The following DNMBP variants were observed in gnomAD, a reference collection of about 807,000 sequenced individuals.
The protein encoded by DNMBP is dynamin binding protein, also known as dynamin-binding protein.
A neutral mutation model predicts 150.0 loss-of-function variants in DNMBP; 87 were observed. The observed-to-expected ratio is 0.58, with a 90% CI of 0.49 to 0.69. The LOEUF is 0.69. Among genes scored for constraint, DNMBP ranks in the 30% least tolerant of loss-of-function variants. The pLI is 0.00. For missense variants in DNMBP, 1,774 were observed against 1,949.0 expected, an observed-to-expected ratio of 0.91 and a Z score of 1.69; for synonymous variants, 711 against 750.4, an observed-to-expected ratio of 0.95 and a Z score of 0.86.
chr10:99,903,336 T>G (rs1195889495), intron 6 of DNMBP, among the ~76,000 whole-genome samples: 8 of 150,790 alleles, frequency 5.3e-5, no homozygotes, highest in Non-Finnish European at 8.9e-5. Flanking sequence ...TTTTTTTTTG[T>G]TTTGTTTTTT....
chr10:99,904,626 C>T (rs1378638483), intron 6 of DNMBP, among the ~76,000 whole-genome samples: 1 of 152,168 alleles, frequency 6.6e-6, no homozygotes, highest in Non-Finnish European at 1.5e-5. Flanking sequence ...CAAGCCCCAC[C>T]ACCCACCATC....
chr10:99,997,960 C>T (rs1017767231), intron 1 of DNMBP, among the ~76,000 whole-genome samples: 10 of 126,262 alleles, frequency 7.9e-5, no homozygotes, highest in East Asian at 2.4e-4. Context: ...AAAAGCTGGA[C>T]GCGGTGGCTC....
intron 4 of DNMBP, among the ~76,000 whole-genome samples, chr10:99,918,620 G>A (rs959452413): frequency 3.4e-5 from 5 of 149,044 alleles, no homozygotes; most frequent in Non-Finnish European, 7.4e-5. Context: ...AGGCTAGAGT[G>A]CAGTGGCACA....
In DNMBP at chr10:99,899,907, C is replaced by G. The variant is rs775068737; in HGVS notation, c.2702+12G>C. On this transcript the variant is annotated intron_variant, in intron 7 of 16. Transcript: ENST00000324109. Reference sequence around the variant, plus strand: ...AGAGCTGTAATGGAAGTTAAGTGGTCAAAACTCCTACTTCAGATCTGCCAA... The same window carrying G: ...AGAGCTGTAATGGAAGTTAAGTGGTGAAAACTCCTACTTCAGATCTGCCAA... 11 of 1,614,018 alleles carry G rather than the reference C, an allele frequency of 6.8e-6. No individual in the cohort carries two copies. Among genetic ancestry groups the G allele is most frequent in the Non-Finnish European group, 9.3e-6 (11 of 1,179,974 alleles).
chr10:99,907,934 T>G (rs2039846782), intron 6 of DNMBP, 61 bp downstream of exon 6: 6 of 1,289,704 alleles, frequency 4.7e-6, no homozygotes, highest in Non-Finnish European at 6.7e-6. Flanking sequence ...GGAAGGCCAC[T>G]TACTCCTGCC....
rs1554857510 is a variant in DNMBP at position 99,879,101 on chromosome 10, A to AAAAAAAAAAAAAC, written c.4548+709_4548+710insGTTTTTTTTTTTT. Among the ~76,000 whole-genome samples, 67 of 135,012 alleles carry AAAAAAAAAAAAAC rather than the reference A, an allele frequency of 5.0e-4. 1 individual carries two copies. The highest frequency in any genetic ancestry group is 8.2e-4 in the African/African-American group (26 of 31,680). The allele number at this position is 135,012 out of a possible 152,430, so 88.6% of individuals were successfully genotyped here. Reference sequence around the variant, plus strand: ...CTCTGTCTCAAAAAAAAAAAAAAAAACCCAAAACGTTTGAGATACAAAGCC... The same window carrying AAAAAAAAAAAAAC: ...CTCTGTCTCAAAAAAAAAAAAAAAAAAAAAAAAAAAAACCCCAAAACGTTTGAGATACAAAGCC... On this transcript the variant is annotated intron_variant, in intron 16 of 16. Coordinates refer to ENST00000324109, the MANE Select transcript of DNMBP (RefSeq NM_015221.4).
At chr10:99,915,087 T>A (rs1245504622) in intron 4 of DNMBP, among the ~76,000 whole-genome samples, 3 of 100,192 alleles carry the variant, frequency 3.0e-5, no homozygotes, top group Admixed American at 2.2e-4. Context: ...AGTGTGAAAC[T>A]CTGTCTCAAA....
In DNMBP at chr10:99,885,819, G is replaced by A. The variant is rs894921766; in HGVS notation, c.3666C>T (p.His1222=). Residue 1222 remains histidine, a synonymous_variant, in exon 14 of 17, where the codon CAC becomes CAT. Coordinates refer to ENST00000324109, the MANE Select transcript of DNMBP (RefSeq NM_015221.4). ...GREGNLIAIF[H]EEHSRVLQQL... ...GCTGCAGAACTCTGCTGTGCTCTTCGTGGAAGATGGCAATAAGGTTTCCCT... is the reference window on the plus strand; with the variant it reads ...GCTGCAGAACTCTGCTGTGCTCTTCATGGAAGATGGCAATAAGGTTTCCCT... 1.1e-5 allele frequency: 18 copies of A among 1,613,140 alleles called. No homozygotes were observed. The highest frequency in any genetic ancestry group is 4.4e-5 in the South Asian group (4 of 90,662).
intron 4 of DNMBP, among the ~76,000 whole-genome samples, chr10:99,931,747 C>A (rs900316307): frequency 3.9e-5 from 6 of 152,188 alleles, no homozygotes; most frequent in Non-Finnish European, 8.8e-5. Context: ...AAAAGACAAA[C>A]AAATTAGTCC....
chr10:99,889,098 TA>T (rs1283877780), intron 11 of DNMBP, 145 bp from the exon 12 acceptor site: 1 of 901,200 alleles, frequency 1.1e-6, no homozygotes, highest in Non-Finnish European at 1.6e-6. Flanking sequence ...AGCTTTGAAA[TA>T]AGCATATTTT....
At chr10:99,981,481 C>T (rs1237377973) in intron 1 of DNMBP, among the ~76,000 whole-genome samples, 2 of 152,148 alleles carry the variant, frequency 1.3e-5, no homozygotes, top group Non-Finnish European at 2.9e-5. Flanking sequence ...TGTGCCTGGC[C>T]AGTAATTTTT....
At position 99,888,934 on chromosome 10, in the gene DNMBP, A is replaced by G. The variant is rs201560226; in HGVS notation, c.3176T>C (p.Val1059Ala). ...ATCCCACATGCTCACAGCAGCCACCACTTTCACACATGCGGACTCCTGGAG... is the reference window on the plus strand; with the variant it reads ...ATCCCACATGCTCACAGCAGCCACCGCTTTCACACATGCGGACTCCTGGAG... The part of the protein sequence containing the change: ...QHIRESACVK[V>A]VAAVSMWDVC... The change falls in exon 12 of 17, where the codon GTG (valine) becomes GCG (alanine). Residue 1059 changes from valine to alanine, a missense_variant. By Grantham distance (64) the Val-to-Ala change is moderately conservative. Around this residue, in one of 2 missense-constraint regions of DNMBP, gnomAD observed 1,430 missense variants for 1,492.5 expected, o/e 0.96. Coordinates refer to ENST00000324109, the MANE Select transcript of DNMBP (RefSeq NM_015221.4). The G allele has an allele frequency of 3.1e-6, 5 of 1,614,150 alleles. No homozygotes were observed. In the African/African-American group the frequency reaches 4.0e-5, roughly 13 times the overall value.
intron 4 of DNMBP, among the ~76,000 whole-genome samples, chr10:99,948,652 T>G (rs1366092610): frequency 6.6e-6 from 1 of 152,056 alleles, no homozygotes; most frequent in Non-Finnish European, 1.5e-5. Context: ...ACAGCTATGC[T>G]TACCATATGG....
At chr10:100,002,204 T>C (rs1055063884) in intron 1 of DNMBP, among the ~76,000 whole-genome samples, 1 of 152,080 alleles carries the variant, frequency 6.6e-6, no homozygotes, top group Non-Finnish European at 1.5e-5. Context: ...ATAACCAACG[T>C]TTTAGCAGGG....
At chr10:99,878,866 C>A (rs937707226) in intron 16 of DNMBP, among the ~76,000 whole-genome samples, 8 of 152,070 alleles carry the variant, frequency 5.3e-5, no homozygotes, top group African/African-American at 1.9e-4. Context: ...GTGGCTCACG[C>A]CTGTAATCCC....
At chr10:99,904,667 G>T (rs1475439513) in intron 6 of DNMBP, among the ~76,000 whole-genome samples, 1 of 152,070 alleles carries the variant, frequency 6.6e-6, no homozygotes, top group Non-Finnish European at 1.5e-5. Context: ...TTGCGCCTAG[G>T]TCTCAGCCTT....
rs182876266 is a variant in DNMBP at position 99,965,743 on chromosome 10, C to T, written c.268+3372G>A. Among the ~76,000 whole-genome samples the T allele has an allele frequency of 4.8e-3, 723 of 152,192 alleles. 8 individuals carry two copies. Among genetic ancestry groups the T allele is most frequent in the African/African-American group, 0.017 (695 of 41,512 alleles). On this transcript the variant is annotated intron_variant, in intron 3 of 16. Transcript: ENST00000324109. ...AACTCCTTACCTCAGGTGATCCACC[C>T]GCCTAGGCCTCCCAAAGTGCTGGGA... is the stretch of plus-strand genomic sequence containing the variant.
chr10:99,931,304 G>C (rs2040154653), intron 4 of DNMBP, among the ~76,000 whole-genome samples: 1 of 152,102 alleles, frequency 6.6e-6, no homozygotes, highest in East Asian at 1.9e-4. Flanking sequence ...TTGAACATCT[G>C]AAACCTTTCA....
intron 6 of DNMBP, among the ~76,000 whole-genome samples, chr10:99,902,932 A>C (rs2039766956): frequency 6.6e-6 from 1 of 151,666 alleles, no homozygotes; most frequent in Non-Finnish European, 1.5e-5. Flanking sequence ...GTCTTTAAAA[A>C]AAAAAAAAAA....
Sources: allele counts gnomAD v4.1 joint callset (sites outside exome capture counted in the v4.1 genomes callset), GRCh38; gene constraint gnomAD v4.1.1; regional missense constraint gnomAD v4.1.1; transcripts MANE v1.5; gene names NCBI Gene and HGNC (gene_info 2026-07-23, HGNC 2026-07-21).